IL1RL2: variants seen among roughly 807,000 people sequenced by gnomAD.
The protein encoded by IL1RL2 is interleukin-1 receptor-like 2.
IL1RL2 carries 68 observed loss-of-function variants against 66.8 expected under a neutral mutation model. That is an observed-to-expected ratio of 1.02 (90% CI 0.84 to 1.25). IL1RL2 has a LOEUF of 1.25. Ranked by LOEUF, IL1RL2 falls within the 50% of genes most tolerant of loss-of-function variation. The pLI is 0.00. For synonymous variants in IL1RL2, 305 were observed against 264.6 expected (o/e 1.15, Z -1.48); for missense variants, 729 against 709.3 (o/e 1.03, Z -0.32).
rs3074966 is a variant in IL1RL2, at chr2:102,220,679, A to ATGTG, written c.991+682_991+685dup. ...TTGATTCTATTAATATCATTAGTGT[A>ATGTG]TGTGTGTGTGTGTGTGTGTGTGTTT... On this transcript the variant is annotated intron_variant, in intron 8 of 11. Coordinates refer to ENST00000264257, the MANE Select transcript of IL1RL2 (RefSeq NM_003854.4). 8.0e-3 allele frequency among the ~76,000 whole-genome samples: 1,207 copies of ATGTG among 150,424 alleles called. 13 individuals carry two copies. The highest frequency in any genetic ancestry group is 0.024 in the African/African-American group (1,005 of 41,172).
chr2:102,219,806 C>A, intron 7 of IL1RL2, 75 bp from the exon 8 acceptor site: 1 of 1,404,880 alleles, frequency 7.1e-7, no homozygotes, highest in Non-Finnish European at 9.8e-7. Flanking sequence ...AACACTTTAT[C>A]TCCAGAAAAC....
chr2:102,216,419 C>T (rs1035367124), intron 6 of IL1RL2, among the ~76,000 whole-genome samples: 7 of 151,996 alleles, frequency 4.6e-5, no homozygotes, highest in Admixed American at 4.6e-4. Flanking sequence ...TTCATCTCTT[C>T]ACTTTTCGTG....
intron 3 of IL1RL2, among the ~76,000 whole-genome samples, chr2:102,189,766 T>G (rs748283623): frequency 6.6e-6 from 1 of 152,134 alleles, no homozygotes; most frequent in Non-Finnish European, 1.5e-5. Flanking sequence ...TATAGGCGCT[T>G]GGCTATATCC....
chr2:102,210,675 C>T (rs1689095168), intron 5 of IL1RL2, among the ~76,000 whole-genome samples: 3 of 152,170 alleles, frequency 2.0e-5, no homozygotes, highest in Admixed American at 2.0e-4. Context: ...TTTTGACATG[C>T]ACTATTGACT....
intron 4 of IL1RL2, among the ~76,000 whole-genome samples, chr2:102,193,844 C>T (rs905268864): frequency 6.6e-6 from 1 of 152,078 alleles, no homozygotes; most frequent in Non-Finnish European, 1.5e-5. Flanking sequence ...ACTGCCCACT[C>T]ATATCTTTTG....
At chr2:102,225,873 AT>A (rs1443452039) in intron 8 of IL1RL2, 24 bp from the exon 9 acceptor site, 1 of 1,466,848 alleles carries the variant, frequency 6.8e-7, no homozygotes, top group African/African-American at 1.4e-5. Context: ...TATAATTATT[AT>A]TATTTTTTTG....
intron 9 of IL1RL2, among the ~76,000 whole-genome samples, chr2:102,231,388 C>T (rs566397885): frequency 6.6e-6 from 1 of 152,304 alleles, no homozygotes; most frequent in Admixed American, 6.5e-5. Flanking sequence ...ATCCCAGCTA[C>T]TCAGGAGACT....
chr2:102,198,039 A>G (rs1282645847), intron 4 of IL1RL2, among the ~76,000 whole-genome samples: 1 of 152,172 alleles, frequency 6.6e-6, no homozygotes, highest in East Asian at 1.9e-4. Flanking sequence ...AAAATATAGA[A>G]TGATTTTTGT....
chr2:102,241,140 G>A (rs529043043), downstream of IL1RL2, among the ~76,000 whole-genome samples: 100 of 152,352 alleles, frequency 6.6e-4, no homozygotes, highest in Non-Finnish European at 1.1e-3. Flanking sequence ...TTACCTTCTC[G>A]GGGCTCTCCA....
chr2:102,186,992 A>T, upstream of IL1RL2: 1 of 1,288,002 alleles, frequency 7.8e-7, no homozygotes, highest in Non-Finnish European at 1.0e-6. Context: ...GGTGGCGGGG[A>T]AATACCTAGG....
intron 5 of IL1RL2, among the ~76,000 whole-genome samples, chr2:102,211,233 C>T (rs1036612094): frequency 4.6e-5 from 7 of 152,114 alleles, no homozygotes; most frequent in Non-Finnish European, 8.8e-5. Flanking sequence ...TTTCCATATC[C>T]CACTCCAAAT....
Position 102,212,101 on chromosome 2 carries a change from AG to A in IL1RL2, c.652del (p.Glu218LysfsTer28), listed in dbSNP as rs1250506660. 1 of 1,611,504 alleles carries A rather than the reference AG, an allele frequency of 6.2e-7. No individual in the cohort carries two copies. The highest frequency in any genetic ancestry group is 8.5e-7 in the Non-Finnish European group (1 of 1,177,696). ...TTTCCTGTGGGTATGATTTCTTAGC[AG>A]AAAGAGCTGGATATGGAGGAAGTGT... is the stretch of plus-strand genomic sequence containing the variant. ...VLNGITVSIT[E>X]RAGYGGSVPK... On this transcript the variant is annotated frameshift_variant and splice_region_variant, in exon 6 of 12. Coordinates refer to ENST00000264257, the MANE Select transcript of IL1RL2 (RefSeq NM_003854.4). LOFTEE classifies it high-confidence loss of function.
intron 5 of IL1RL2, among the ~76,000 whole-genome samples, chr2:102,204,864 A>G (rs1688571989): frequency 6.6e-6 from 1 of 151,746 alleles, no homozygotes; most frequent in African/African-American, 2.4e-5. Context: ...GTTATTATTG[A>G]TAGGTAGAAC....
chr2:102,242,053 T>A (rs139247859), downstream of IL1RL2, among the ~76,000 whole-genome samples: 137 of 152,286 alleles, frequency 9.0e-4, 1 homozygote, highest in East Asian at 3.9e-3. Context: ...GTTAAAAAAA[T>A]TTTTAAAAAC....
intron 4 of IL1RL2, among the ~76,000 whole-genome samples, chr2:102,196,746 G>A (rs1687819852): frequency 6.6e-6 from 1 of 152,194 alleles, no homozygotes. Context: ...TTAGAGGGAA[G>A]CAGCAGGTGC....
chr2:102,239,157 C>T (rs1675120846), intron 11 of IL1RL2, 35 bp from the exon 12 acceptor site: 2 of 1,607,032 alleles, frequency 1.2e-6, no homozygotes, highest in African/African-American at 2.7e-5. Flanking sequence ...CCCACCACAT[C>T]AGAAAAGGAG....
chr2:102,222,138 G>T (rs1453623383), intron 8 of IL1RL2, among the ~76,000 whole-genome samples: 1 of 152,168 alleles, frequency 6.6e-6, no homozygotes, highest in Non-Finnish European at 1.5e-5. Flanking sequence ...TATATTAAGA[G>T]AAGTATATAG....
chr2:102,224,272 G>A (rs1368707261), intron 8 of IL1RL2, among the ~76,000 whole-genome samples: 4 of 152,212 alleles, frequency 2.6e-5, no homozygotes, highest in African/African-American at 9.7e-5. Flanking sequence ...GAACTCCCAT[G>A]TATATTGCAG....
At chr2:102,189,616 A>C (rs749144489) in intron 3 of IL1RL2, among the ~76,000 whole-genome samples, 3 of 148,824 alleles carry the variant, frequency 2.0e-5, no homozygotes, top group Non-Finnish European at 4.4e-5. Context: ...TTTCTTTTTT[A>C]TTTTTCTTTT....
Sources: gnomAD v4.1 joint callset for allele counts (sites outside exome capture counted in the v4.1 genomes callset) on GRCh38, gnomAD v4.1.1 for gene constraint, MANE v1.5 for transcripts, NCBI Gene and HGNC (gene_info 2026-07-23, HGNC 2026-07-21) for gene names.